BSPH1: variants seen among roughly 807,000 people sequenced by gnomAD.
The protein encoded by BSPH1 is binder of sperm 1.
A neutral mutation model predicts 22.5 loss-of-function variants in BSPH1; 21 were observed. The observed-to-expected ratio is 0.93, with a 90% CI of 0.66 to 1.35. The LOEUF is 1.35. BSPH1 is among the 40% of genes most tolerant of loss of function. BSPH1 has a pLI of 0.00. For synonymous variants in BSPH1, 42 were observed against 53.6 expected (o/e 0.78, Z 0.95); for missense variants, 141 against 154.2 (o/e 0.91, Z 0.45).
chr19:47,972,874 C>T (rs1339658587), intron 5 of BSPH1, among the ~76,000 whole-genome samples: 1 of 150,882 alleles, frequency 6.6e-6, no homozygotes, highest in African/African-American at 2.4e-5. Flanking sequence ...CCCACCCCCA[C>T]ACGTACGTAA....
At chr19:47,974,853 C>T (rs6509349) in intron 5 of BSPH1, among the ~76,000 whole-genome samples, 85,770 of 151,790 alleles carry the variant, frequency 0.57, 24,970 homozygotes, top group African/African-American at 0.68. Context: ...ACTAGCCAGA[C>T]GTCTTCCAAC....
At chr19:47,973,211 C>A (rs920866779) in intron 5 of BSPH1, among the ~76,000 whole-genome samples, 4 of 128,672 alleles carry the variant, frequency 3.1e-5, no homozygotes, top group Non-Finnish European at 6.6e-5. Flanking sequence ...AGCGAGACTC[C>A]GTCTCAAAAT....
intron 1 of BSPH1, among the ~76,000 whole-genome samples, chr19:47,988,062 G>A (rs1969487378): frequency 6.6e-6 from 1 of 151,938 alleles, no homozygotes. Flanking sequence ...ATTAAAAAAA[G>A]AGAAAATCCT....
At chr19:47,976,619 A>G in intron 5 of BSPH1, 91 bp downstream of exon 5, 1 of 823,986 alleles carries the variant, frequency 1.2e-6, no homozygotes, top group Non-Finnish European at 1.8e-6. Context: ...CTCTCTAATG[A>G]GAAAGGGTTC....
chr19:47,981,772 C>CA, intron 1 of BSPH1: 1 of 828,276 alleles, frequency 1.2e-6, no homozygotes, highest in Non-Finnish European at 1.5e-6. Context: ...GATAGCTTTA[C>CA]TTTTTTTTTT....
intron 1 of BSPH1, among the ~76,000 whole-genome samples, chr19:47,988,914 A>G (rs543479454): frequency 1.1e-3 from 170 of 151,968 alleles, no homozygotes; most frequent in Non-Finnish European, 1.8e-3. Flanking sequence ...CAATTCAATT[A>G]TTTTTTCTTT....
intron 1 of BSPH1, among the ~76,000 whole-genome samples, chr19:47,985,200 T>C (rs1969459662): frequency 6.6e-6 from 1 of 152,166 alleles, no homozygotes; most frequent in Non-Finnish European, 1.5e-5. Flanking sequence ...TCTGCACATG[T>C]ACCTCCTGCA....
chr19:47,980,479 T>TTC lies in BSPH1; in HGVS notation c.94+441_94+442insGA, dbSNP rs200218392. The TTC allele has an allele frequency of 2.9e-3, 398 of 139,562 alleles. 1 individual carries two copies. The highest frequency in any genetic ancestry group is 9.3e-3 in the South Asian group (34 of 3,674). 8.6% of individuals were successfully genotyped at this position (139,562 alleles called of 1,614,324 possible). On this transcript the variant is annotated intron_variant, in intron 2 of 5. Coordinates refer to ENST00000344839, the MANE Select transcript of BSPH1 (RefSeq NM_001128326.2). ...TGATTTATCTCCTCTTCTTCTTTCT[T>TTC]TTTTTTTTTTTTTTTTTTTGAGACT...
chr19:47,975,846 G>A (rs1422759145), intron 5 of BSPH1, among the ~76,000 whole-genome samples: 2 of 151,846 alleles, frequency 1.3e-5, no homozygotes, highest in African/African-American at 4.8e-5. Context: ...TAGAAGAGAC[G>A]GGGTTTCACC....
At chr19:47,973,221 T>G (rs912500282) in intron 5 of BSPH1, among the ~76,000 whole-genome samples, 2 of 59,876 alleles carry the variant, frequency 3.3e-5, no homozygotes. Context: ...CGTCTCAAAA[T>G]AATAATAATA....
intron 1 of BSPH1, among the ~76,000 whole-genome samples, chr19:47,987,650 G>A (rs1969483774): frequency 6.6e-6 from 1 of 152,034 alleles, no homozygotes; most frequent in African/African-American, 2.4e-5. Context: ...AACTATGCAT[G>A]GCCAGAGCTT....
At chr19:47,990,810 GA>G (rs1178811308) in intron 1 of BSPH1, among the ~76,000 whole-genome samples, 1 of 152,000 alleles carries the variant, frequency 6.6e-6, no homozygotes, top group Non-Finnish European at 1.5e-5. Flanking sequence ...CAGGCAACAC[GA>G]CTTTGGAAAA....
At chr19:47,975,628 T>G (rs1002759686) in intron 5 of BSPH1, among the ~76,000 whole-genome samples, 2 of 151,024 alleles carry the variant, frequency 1.3e-5, no homozygotes, top group Admixed American at 6.7e-5. Flanking sequence ...GTTTTAGAAA[T>G]ATTCTTTATT....
At chr19:47,988,923 T>C (rs115753465) in intron 1 of BSPH1, among the ~76,000 whole-genome samples, 2,841 of 152,084 alleles carry the variant, frequency 0.019, 67 homozygotes, top group Admixed American at 0.073. Flanking sequence ...TATTTTTTCT[T>C]TTTCAGGCTA....
Position 47,976,815 on chromosome 19 carries a change from A to C in BSPH1, c.296T>G (p.Leu99Trp), listed in dbSNP as rs1356733191. The C allele has an allele frequency of 1.7e-5, 26 of 1,551,624 alleles. No individual in the cohort carries two copies. Among genetic ancestry groups the C allele is most frequent in the Non-Finnish European group, 2.2e-5 (25 of 1,146,958 alleles). ...ATCATCAGTACACTCCCAGTAGATC[A>C]AGCGTCTGTACCAGAAGGGAAATAC... is the stretch of plus-strand genomic sequence containing the variant. The part of the protein sequence containing the change: ...NCVFPFWYRR[L>W]IYWECTDDGE... Residue 99 changes from leucine (L) to tryptophan (W), a missense_variant, in exon 5 of 6, where the codon TTG (leucine) becomes TGG (tryptophan). Leu to Trp is a moderately conservative substitution (Grantham distance 61). Transcript: ENST00000344839.
intron 1 of BSPH1, among the ~76,000 whole-genome samples, chr19:47,986,131 G>A (rs896350479): frequency 6.6e-6 from 1 of 152,186 alleles, no homozygotes; most frequent in Non-Finnish European, 1.5e-5. Flanking sequence ...GGGAATTGCT[G>A]TAGCCTGCTA....
At chr19:47,983,761 G>A (rs1969441022) in intron 1 of BSPH1, among the ~76,000 whole-genome samples, 1 of 152,124 alleles carries the variant, frequency 6.6e-6, no homozygotes, top group South Asian at 2.1e-4. Flanking sequence ...AAAGATGCAA[G>A]AATGTATGAA....
intron 1 of BSPH1, among the ~76,000 whole-genome samples, chr19:47,982,162 T>C (rs925790547): frequency 3.9e-5 from 6 of 152,220 alleles, no homozygotes; most frequent in Admixed American, 1.3e-4. Context: ...AATTTACAAA[T>C]GTCATGTTTG....
At chr19:47,967,799 G>A (rs1969272672), downstream of BSPH1, among the ~76,000 whole-genome samples, 1 of 152,134 alleles carries the variant, frequency 6.6e-6, no homozygotes. Flanking sequence ...AACATCTCTA[G>A]CCAATTCTGA....
Sources: gnomAD v4.1 joint callset for allele counts (sites outside exome capture counted in the v4.1 genomes callset) on GRCh38, gnomAD v4.1.1 for gene constraint, MANE v1.5 for transcripts, NCBI Gene and HGNC (gene_info 2026-07-23, HGNC 2026-07-21) for gene names.